Variants in SLC43A2 observed in about 807,000 individuals in gnomAD.
SLC43A2 encodes large neutral amino acids transporter small subunit 4.
Under a neutral mutation model 63.2 loss-of-function variants are expected in SLC43A2, and 38 were observed. That is an observed-to-expected ratio of 0.60 (90% confidence interval 0.46 to 0.79). The LOEUF is 0.79. Among genes scored for constraint, SLC43A2 ranks in the 30% least tolerant of loss-of-function variants. SLC43A2 has a pLI of 0.00. For missense variants in SLC43A2, 644 were observed against 756.2 expected, an observed-to-expected ratio of 0.85 and a Z score of 1.74; for synonymous variants, 322 against 331.0, an observed-to-expected ratio of 0.97 and a Z score of 0.30.
Position 1,572,188 on chromosome 17 carries a change from T to C in SLC43A2, c.*3416A>G, listed in dbSNP as rs1228790798. On this transcript the variant is annotated 3_prime_UTR_variant, in exon 14 of 14. Transcript: ENST00000301335. Reference sequence around the variant, plus strand: ...CTCTCCCCCTCTTCTGAGAAGGCTCTTGGCTCCCAGAAACGGAAACCATGC... The same window carrying C: ...CTCTCCCCCTCTTCTGAGAAGGCTCCTGGCTCCCAGAAACGGAAACCATGC... 1 of 152,336 alleles carries C rather than the reference T, an allele frequency of 6.6e-6. No homozygotes were observed. The highest frequency in any genetic ancestry group is 2.4e-5 in the African/African-American group (1 of 41,380). The allele number at this position is 152,336 out of a possible 1,614,324, so 9.4% of individuals were successfully genotyped here.
At chr17:1,586,936 A>ACCCCCC in intron 9 of SLC43A2, 1 of 501,650 alleles carries the variant, frequency 2.0e-6, no homozygotes, top group South Asian at 2.6e-5. Flanking sequence ...AATCCCCCCC[A>ACCCCCC]CCCCCCGCTT....
chr17:1,615,313 T>C (rs1357959675), intron 3 of SLC43A2, among the ~76,000 whole-genome samples: 1 of 151,952 alleles, frequency 6.6e-6, no homozygotes, highest in Non-Finnish European at 1.5e-5. Context: ...TTTCACCATG[T>C]TGGCCAGGCT....
At chr17:1,627,646 G>GCCCCCCTGCCCCCCCCC in intron 2 of SLC43A2, 69 bp downstream of exon 2, 1 of 733,230 alleles carries the variant, frequency 1.4e-6, no homozygotes, top group Non-Finnish European at 2.1e-6. Flanking sequence ...CTAGGTCTTC[G>GCCCCCCTGCCCCCCCCC]CCCCCATCCC....
At position 1,583,122 on chromosome 17, in the gene SLC43A2, A is replaced by T; in HGVS notation, c.1350+82T>A. 1.4e-6 allele frequency: 2 copies of T among 1,448,224 alleles called. No homozygotes were observed. The highest frequency in any genetic ancestry group is 1.9e-6 in the Non-Finnish European group (2 of 1,048,532). The allele number at this position is 1,448,224 out of a possible 1,614,324, so 89.7% of individuals were successfully genotyped here. On this transcript the variant is annotated intron_variant, in intron 11 of 13. Transcript: ENST00000301335. This position sits in a 1 kb window ranked among gnomAD's most constrained non-coding sequence, Gnocchi z 5.5. The stretch of plus-strand genomic sequence containing the variant: ...ATCCGCTTTGTTGATGGCTTCCATG[A>T]AACATTACACACTTTTGAGTCTTTA...
In SLC43A2 at chr17:1,591,547, C is replaced by G; in HGVS notation, c.728+19G>C. 2.6e-6 allele frequency: 4 copies of G among 1,562,862 alleles called. No individual in the cohort carries two copies. Among genetic ancestry groups the G allele is most frequent in the Non-Finnish European group, 3.5e-6 (4 of 1,154,928 alleles). ...GGGCGGGGGCTGGGGGCAGGCGGGA[C>G]GGGGGCACCTCTACTTACGAGTAGT... On this transcript the variant is annotated intron_variant, in intron 7 of 13. Coordinates refer to ENST00000301335, the MANE Select transcript of SLC43A2 (RefSeq NM_152346.3).
rs1476091240 is a variant in SLC43A2 at position 1,570,064 on chromosome 17, T to C, written c.*5540A>G. 6.6e-6 allele frequency: 1 copy of C among 150,980 alleles called. No homozygotes were observed. The highest frequency in any genetic ancestry group is 1.9e-4 in the East Asian group (1 of 5,150). The allele number at this position is 150,980 out of a possible 1,614,324, so 9.4% of individuals were successfully genotyped here. ...CACCACGCCCAGCTAATTTTTTTTT[T>C]TCGTATTTTTAGTAGAGATGGGGTT... On this transcript the variant is annotated 3_prime_UTR_variant, in exon 14 of 14. Coordinates refer to ENST00000301335, the MANE Select transcript of SLC43A2 (RefSeq NM_152346.3).
intron 2 of SLC43A2, among the ~76,000 whole-genome samples, chr17:1,617,690 C>T (rs866967807): frequency 2.3e-4 from 35 of 152,240 alleles, no homozygotes; most frequent in African/African-American, 8.4e-4. Flanking sequence ...CACACCCAGC[C>T]GATATGCACC....
chr17:1,615,097 GT>G, intron 3 of SLC43A2, 63 bp from the exon 4 acceptor site: 1 of 1,589,790 alleles, frequency 6.3e-7, no homozygotes, highest in African/African-American at 1.3e-5. Flanking sequence ...TTATTGTTTT[GT>G]TTTTGTTTTT....
At chr17:1,598,842 G>C (rs1905594098) in intron 5 of SLC43A2, among the ~76,000 whole-genome samples, 1 of 152,180 alleles carries the variant, frequency 6.6e-6, no homozygotes, top group Admixed American at 6.5e-5. Flanking sequence ...CTCAGGCCTG[G>C]ACAGGGCAGG....
Position 1,578,195 on chromosome 17 carries a change from C to G in SLC43A2, c.1424+55G>C, listed in dbSNP as rs370371621. The stretch of plus-strand genomic sequence containing the variant: ...GTCTCAGTCCCACCAGCAACCTCCC[C>G]CCGGCCATTCCCACACCCTCGCCCA... On this transcript the variant is annotated intron_variant, in intron 12 of 13. Transcript: ENST00000301335. The surrounding 1 kb of genome is among the most constrained non-coding windows in gnomAD (Gnocchi z 6.5). 1.3e-5 allele frequency: 20 copies of G among 1,569,382 alleles called. No homozygotes were observed. Among genetic ancestry groups the G allele is most frequent in the South Asian group, 2.2e-5 (2 of 90,060 alleles).
At chr17:1,596,552 C>A (rs1390975759) in intron 5 of SLC43A2, among the ~76,000 whole-genome samples, 2 of 152,066 alleles carry the variant, frequency 1.3e-5, no homozygotes, top group African/African-American at 4.8e-5. Flanking sequence ...ATATAAAGAA[C>A]CCCTACATCT....
chr17:1,627,116 G>C (rs1473647327), intron 2 of SLC43A2, among the ~76,000 whole-genome samples: 1 of 152,160 alleles, frequency 6.6e-6, no homozygotes, highest in East Asian at 1.9e-4. Context: ...CATCCCCATG[G>C]GGTTGGAAAG....
At chr17:1,595,040 G>A (rs945462848) in intron 5 of SLC43A2, among the ~76,000 whole-genome samples, 4 of 151,978 alleles carry the variant, frequency 2.6e-5, no homozygotes, top group African/African-American at 9.7e-5. Context: ...AAAAAAGAGA[G>A]AGAGACAAGG....
Position 1,571,421 on chromosome 17 carries a change from G to T in SLC43A2, c.*4183C>A, listed in dbSNP as rs1401647218. ...TCTGTGGAGGCTTCTCAGAGCTCCTGGCAGGAGCCCCTCACCGCAGGAGGC... is the reference window on the plus strand; with the variant it reads ...TCTGTGGAGGCTTCTCAGAGCTCCTTGCAGGAGCCCCTCACCGCAGGAGGC... On this transcript the variant is annotated 3_prime_UTR_variant, in exon 14 of 14. Coordinates refer to ENST00000301335, the MANE Select transcript of SLC43A2 (RefSeq NM_152346.3). The surrounding 1 kb of genome is among the most constrained non-coding windows in gnomAD (Gnocchi z 5.2). 2.0e-5 allele frequency: 3 copies of T among 152,270 alleles called. No homozygotes were observed. The highest frequency in any genetic ancestry group is 2.0e-4 in the Admixed American group (3 of 15,284). 9.4% of individuals were successfully genotyped at this position (152,270 alleles called of 1,614,324 possible).
In SLC43A2 at chr17:1,577,942, C is replaced by A. The variant is rs575529337; in HGVS notation, c.1424+308G>T. Reference sequence around the variant, plus strand: ...AGCAGCCAGGGCCAGCCCCAGGACTCGGCTGTAGTGGCCCCTGAGGCCATA... The same window carrying A: ...AGCAGCCAGGGCCAGCCCCAGGACTAGGCTGTAGTGGCCCCTGAGGCCATA... On this transcript the variant is annotated intron_variant, in intron 12 of 13. Coordinates refer to ENST00000301335, the MANE Select transcript of SLC43A2 (RefSeq NM_152346.3). The surrounding 1 kb of genome is among the most constrained non-coding windows in gnomAD (Gnocchi z 4.9). Among the ~76,000 whole-genome samples the A allele has an allele frequency of 5.9e-5, 9 of 152,324 alleles. No individual in the cohort carries two copies. The highest frequency in any genetic ancestry group is 1.9e-4 in the African/African-American group (8 of 41,572).
rs562818385 is a variant in SLC43A2 at position 1,605,178 on chromosome 17, G to A, written c.501+8017C>T. ...GCGGGTCAACCTGTCCTGCCAGCCC[G>A]GGCTGTTCACTCACTGCCTCCACGC... On this transcript the variant is annotated intron_variant, in intron 5 of 13. Coordinates refer to ENST00000301335, the MANE Select transcript of SLC43A2 (RefSeq NM_152346.3). This position sits in a 1 kb window ranked among gnomAD's most constrained non-coding sequence, Gnocchi z 4.9. 2.2e-5 allele frequency: 26 copies of A among 1,185,424 alleles called. No individual in the cohort carries two copies. The highest frequency in any genetic ancestry group is 3.2e-5 in the African/African-American group (2 of 63,006). 73.4% of individuals were successfully genotyped at this position (1,185,424 alleles called of 1,614,324 possible). A position where few individuals can be genotyped will look rare whatever the true frequency, so the allele number is the denominator to read the frequency against.
intron 2 of SLC43A2, among the ~76,000 whole-genome samples, chr17:1,618,598 G>A (rs57760491): frequency 2.0e-5 from 3 of 152,306 alleles, no homozygotes; most frequent in South Asian, 2.1e-4. Flanking sequence ...ACTGGGCTGT[G>A]AGCCCCGAAG....
chr17:1,598,246 C>T (rs968887361), intron 5 of SLC43A2, among the ~76,000 whole-genome samples: 8 of 152,176 alleles, frequency 5.3e-5, no homozygotes, highest in Admixed American at 1.3e-4. Flanking sequence ...CACAGTGAAA[C>T]CTTGTCTCTA....
chr17:1,613,787 ATCT>A (rs1318789855), intron 4 of SLC43A2, among the ~76,000 whole-genome samples: 1 of 152,072 alleles, frequency 6.6e-6, no homozygotes, highest in Non-Finnish European at 1.5e-5. Context: ...CTGCACACCC[ATCT>A]TCTTTTCTCC....
Sources: gnomAD v4.1 joint callset for allele counts (sites outside exome capture counted in the v4.1 genomes callset) on GRCh38, gnomAD v4.1.1 for gene constraint, Gnocchi (gnomAD v3.1) non-coding constraint, MANE v1.5 for transcripts, NCBI Gene and HGNC (gene_info 2026-07-23, HGNC 2026-07-21) for gene names.